Variants in DNAJC6 observed in about 807,000 individuals in gnomAD.
DNAJC6 encodes auxilin.
A neutral mutation model predicts 110.0 loss-of-function variants in DNAJC6; 34 were observed. That is an observed-to-expected ratio of 0.31 (90% CI 0.24 to 0.41). The LOEUF (loss-of-function observed/expected upper bound fraction) is 0.41. Ranked by LOEUF, DNAJC6 falls within the 10% of genes least tolerant of loss-of-function variation. The pLI is 1.00. For synonymous variants in DNAJC6, 406 were observed against 437.2 expected, an observed-to-expected ratio of 0.93 and a Z score of 0.89; for missense variants, 1,031 against 1,207.8, an observed-to-expected ratio of 0.85 and a Z score of 2.17.
chr1:65,275,813 C>T (rs932767017), intron 1 of DNAJC6, among the ~76,000 whole-genome samples: 11 of 151,250 alleles, frequency 7.3e-5, no homozygotes, highest in Non-Finnish European at 1.5e-4. Flanking sequence ...TACTGGTTCT[C>T]TCTGCTATGT....
At chr1:65,411,931 A>T (rs536476699) in intron 18 of DNAJC6, among the ~76,000 whole-genome samples, 1 of 152,140 alleles carries the variant, frequency 6.6e-6, no homozygotes, top group African/African-American at 2.4e-5. Context: ...AGATCGCTCC[A>T]CTGTACTCCA....
At chr1:65,411,510 G>A (rs1646128480) in intron 18 of DNAJC6, 84 bp downstream of exon 18, 5 of 1,286,004 alleles carry the variant, frequency 3.9e-6, no homozygotes, top group South Asian at 1.7e-5. Context: ...TAAATGTGCT[G>A]GTTCATATGG....
intron 4 of DNAJC6, among the ~76,000 whole-genome samples, chr1:65,369,605 G>T (rs1422890882): frequency 1.3e-5 from 2 of 152,096 alleles, no homozygotes; most frequent in African/African-American, 4.8e-5. Context: ...TTATAAACTC[G>T]TGGGAGTCTG....
intron 4 of DNAJC6, among the ~76,000 whole-genome samples, chr1:65,378,663 G>A (rs560820902): frequency 1.3e-4 from 20 of 152,366 alleles, no homozygotes; most frequent in African/African-American, 4.8e-4. Flanking sequence ...ATGTCAGCCA[G>A]TGTGCTGTTG....
chr1:65,406,223 T>A, intron 16 of DNAJC6, 90 bp downstream of exon 16: 1 of 1,491,288 alleles, frequency 6.7e-7, no homozygotes, highest in Non-Finnish European at 9.0e-7. Context: ...TGACAGTATT[T>A]TCTGGGTAGT....
chr1:65,348,399 C>T (rs1484471472), intron 1 of DNAJC6, among the ~76,000 whole-genome samples: 2 of 152,148 alleles, frequency 1.3e-5, no homozygotes, highest in African/African-American at 2.4e-5. Flanking sequence ...AAAAAGTCTG[C>T]ATTTGTGATT....
Position 65,366,119 on chromosome 1 carries a change from G to T in DNAJC6, c.466G>T (p.Asp156Tyr), listed in dbSNP as rs937010999. 45 of 1,613,682 alleles carry T rather than the reference G, an allele frequency of 2.8e-5. No individual in the cohort carries two copies. Among genetic ancestry groups the T allele is most frequent in the Non-Finnish European group, 3.7e-5 (44 of 1,179,824 alleles). The change falls in exon 4 of 19, where the codon GAT (aspartate) becomes TAT (tyrosine). Residue 156 changes from aspartate to tyrosine, a missense_variant. Asp to Tyr is a radical substitution (Grantham distance 160). Transcript: ENST00000371069. ...GGTTGATGACATTCGAAGCTTTTTG[G>T]ATTCCAGACATCTTGACCACTACAC... is the stretch of plus-strand genomic sequence containing the variant. ...NQVDDIRSFL[D>Y]SRHLDHYTVY...
upstream of DNAJC6, among the ~76,000 whole-genome samples, chr1:65,305,699 C>T (rs1030572846): frequency 2.0e-5 from 3 of 152,056 alleles, no homozygotes; most frequent in Admixed American, 6.5e-5. Flanking sequence ...AATACATACA[C>T]GTGAATATTT....
chr1:65,338,486 G>T (rs904657460), intron 1 of DNAJC6, among the ~76,000 whole-genome samples: 4 of 151,974 alleles, frequency 2.6e-5, no homozygotes, highest in Non-Finnish European at 5.9e-5. Flanking sequence ...AAGCTGGGTT[G>T]GTTTGGCTCA....
intron 1 of DNAJC6, among the ~76,000 whole-genome samples, chr1:65,324,087 G>A (rs1249406144): frequency 6.6e-6 from 1 of 152,186 alleles, no homozygotes; most frequent in Non-Finnish European, 1.5e-5. Context: ...TCAAGGTGGA[G>A]AATTTTCTCT....
intron 1 of DNAJC6, among the ~76,000 whole-genome samples, chr1:65,299,196 T>A (rs7522570): frequency 0.7 from 107,236 of 152,240 alleles, 39,356 homozygotes; most frequent in African/African-American, 0.92. Flanking sequence ...ACCTAAGTTT[T>A]CTTTTAGCAC....
chr1:65,355,871 G>C (rs935363173), intron 1 of DNAJC6, among the ~76,000 whole-genome samples: 1 of 140,488 alleles, frequency 7.1e-6, no homozygotes, highest in Non-Finnish European at 1.5e-5. Flanking sequence ...CCCTGAAATG[G>C]AACAGCATGG....
chr1:65,379,675 G>T, intron 5 of DNAJC6, 151 bp downstream of exon 5: 2 of 1,152,968 alleles, frequency 1.7e-6, no homozygotes, highest in Non-Finnish European at 2.4e-6. Context: ...GTAAAAATAA[G>T]AAAGGGATTT....
At chr1:65,307,532 T>A (rs1645055876), upstream of DNAJC6, among the ~76,000 whole-genome samples, 1 of 152,186 alleles carries the variant, frequency 6.6e-6, no homozygotes, top group African/African-American at 2.4e-5. Context: ...CTGTATTTAT[T>A]TATTTATTTT....
At chr1:65,265,473 A>T (rs1186639110) in intron 1 of DNAJC6, among the ~76,000 whole-genome samples, 1 of 152,172 alleles carries the variant, frequency 6.6e-6, no homozygotes, top group Non-Finnish European at 1.5e-5. Context: ...GCTGGGATGT[A>T]AACTACCCCC....
chr1:65,332,150 T>C (rs1645294580), intron 1 of DNAJC6, among the ~76,000 whole-genome samples: 1 of 152,182 alleles, frequency 6.6e-6, no homozygotes, highest in South Asian at 2.1e-4. Flanking sequence ...AAATTTTTTT[T>C]CTCCTATAAA....
chr1:65,295,316 C>T (rs1644918609), intron 1 of DNAJC6, among the ~76,000 whole-genome samples: 1 of 152,194 alleles, frequency 6.6e-6, no homozygotes, highest in Non-Finnish European at 1.5e-5. Flanking sequence ...ATTGTTCTCT[C>T]AGATCACTTG....
chr1:65,274,758 A>C (rs1653609294), intron 1 of DNAJC6, among the ~76,000 whole-genome samples: 1 of 152,250 alleles, frequency 6.6e-6, no homozygotes, highest in Admixed American at 6.5e-5. Context: ...TGATGTGTTA[A>C]GTGCTATAGC....
chr1:65,411,145 G>A, intron 17 of DNAJC6, 105 bp from the exon 18 acceptor site: 1 of 1,169,792 alleles, frequency 8.5e-7, no homozygotes, highest in Non-Finnish European at 1.2e-6. Context: ...GTTGCCCTAA[G>A]TGTTTTGATG....
Sources: allele counts gnomAD v4.1 joint callset (sites outside exome capture counted in the v4.1 genomes callset), GRCh38; gene constraint gnomAD v4.1.1; transcripts MANE v1.5; gene names NCBI Gene and HGNC (gene_info 2026-07-23, HGNC 2026-07-21).